Variants in EIF4G3 observed in about 807,000 individuals in gnomAD.
The protein encoded by EIF4G3 is eukaryotic translation initiation factor 4 gamma 3.
In EIF4G3, 34 loss-of-function variants were observed where a neutral mutation model predicts 186.4. That is an observed-to-expected ratio of 0.18 (90% CI 0.14 to 0.24). The LOEUF is 0.24. Among genes scored for constraint, EIF4G3 ranks in the 10% least tolerant of loss-of-function variants. The probability of loss-of-function intolerance (pLI) is 1.00; values close to 1 mark genes in which losing one functional copy is unlikely to be tolerated. For synonymous variants in EIF4G3, 673 were observed against 679.5 expected, an observed-to-expected ratio of 0.99 and a Z score of 0.15; for missense variants, 1,536 against 1,948.5, an observed-to-expected ratio of 0.79 and a Z score of 3.99.
chr1:21,174,613 G>A (rs1486942847), intron 2 of EIF4G3: 1 of 152,166 alleles, frequency 6.6e-6, no homozygotes, highest in East Asian at 1.9e-4. Context: ...AAAGTAGTAA[G>A]CAAAGACAGG....
intron 2 of EIF4G3, among the ~76,000 whole-genome samples, chr1:21,144,393 ATAAAC>A (rs1243383244): frequency 2.0e-5 from 3 of 151,706 alleles, no homozygotes; most frequent in Non-Finnish European, 4.4e-5. Context: ...AGCTAGGACT[ATAAAC>A]TAACACTACA....
At chr1:20,906,667 A>AT (rs763679866) in intron 14 of EIF4G3, among the ~76,000 whole-genome samples, 1 of 152,178 alleles carries the variant, frequency 6.6e-6, no homozygotes, top group Non-Finnish European at 1.5e-5. Context: ...TGGAAAAAAA[A>AT]CAGCTACTGA....
intron 12 of EIF4G3, among the ~76,000 whole-genome samples, chr1:20,965,680 A>G (rs17417486): frequency 0.058 from 4,237 of 73,626 alleles, 89 homozygotes; most frequent in Non-Finnish European, 0.094. Flanking sequence ...ACCCATGAAA[A>G]TTAGATCAAA....
chr1:21,071,591 T>C (rs1301750604), intron 3 of EIF4G3, among the ~76,000 whole-genome samples: 1 of 152,142 alleles, frequency 6.6e-6, no homozygotes, highest in East Asian at 1.9e-4. Flanking sequence ...CCCAGCACTT[T>C]GGGAAGCCAA....
At chr1:20,877,085 T>G (rs2081098755) in intron 20 of EIF4G3, among the ~76,000 whole-genome samples, 1 of 152,256 alleles carries the variant, frequency 6.6e-6, no homozygotes, top group Non-Finnish European at 1.5e-5. Flanking sequence ...TTGTACTTAT[T>G]GCCAGATCAT....
intron 7 of EIF4G3, among the ~76,000 whole-genome samples, chr1:20,995,603 C>T (rs991793827): frequency 8.5e-5 from 13 of 152,078 alleles, no homozygotes; most frequent in African/African-American, 3.1e-4. Context: ...AACTCGTGAC[C>T]TCAAGTGATC....
At chr1:21,116,037 C>T (rs2096815459) in intron 2 of EIF4G3, among the ~76,000 whole-genome samples, 2 of 151,972 alleles carry the variant, frequency 1.3e-5, no homozygotes, top group African/African-American at 4.8e-5. Context: ...TTAAAGGATA[C>T]CCAGGGCCTT....
At chr1:21,089,046 C>T in intron 3 of EIF4G3, 92 bp downstream of exon 3, 1 of 652,810 alleles carries the variant, frequency 1.5e-6, no homozygotes. Context: ...AAAAATTTGT[C>T]ATGTGTCAAT....
At chr1:21,052,494 T>C (rs540195729) in intron 3 of EIF4G3, among the ~76,000 whole-genome samples, 4 of 152,328 alleles carry the variant, frequency 2.6e-5, no homozygotes, top group African/African-American at 9.6e-5. Flanking sequence ...ACAAATGATC[T>C]ATATTGAAAT....
At chr1:21,013,708 G>A (rs1010213286) in intron 4 of EIF4G3, among the ~76,000 whole-genome samples, 6 of 152,120 alleles carry the variant, frequency 3.9e-5, no homozygotes, top group Non-Finnish European at 5.9e-5. Flanking sequence ...AGGAATCTGG[G>A]GAAAAGTGTT....
At chr1:20,991,426 G>A (rs1348508795) in intron 7 of EIF4G3, among the ~76,000 whole-genome samples, 1 of 152,086 alleles carries the variant, frequency 6.6e-6, no homozygotes, top group Non-Finnish European at 1.5e-5. Flanking sequence ...AAGTTAGTAG[G>A]GTGTGGTAGC....
intron 3 of EIF4G3, among the ~76,000 whole-genome samples, chr1:21,085,900 G>T (rs1490197266): frequency 6.6e-6 from 1 of 152,062 alleles, no homozygotes; most frequent in African/African-American, 2.4e-5. Flanking sequence ...CACCATGTTG[G>T]CCAGGATGGT....
chr1:20,882,486 T>A (rs1405054937), intron 19 of EIF4G3, among the ~76,000 whole-genome samples: 1 of 151,740 alleles, frequency 6.6e-6, no homozygotes, highest in Non-Finnish European at 1.5e-5. Context: ...CCGGGCATGG[T>A]GGGGCATGCC....
intron 20 of EIF4G3, 132 bp from the exon 21 acceptor site, chr1:20,865,394 A>C: frequency 1.1e-6 from 1 of 883,806 alleles, no homozygotes; most frequent in Non-Finnish European, 1.7e-6. Context: ...CAAACAATAT[A>C]GCTTCAGGCA....
At position 20,948,970 on chromosome 1, in the gene EIF4G3, C is replaced by CAA. The variant is rs34585901; in HGVS notation, c.823+1031_823+1032dup. ...GTTGCAGTGAGTCAAGACTCTGTCT[C>CAA]AAAAAAAAAAAAAAAAAAAAAGAAT... is the stretch of plus-strand genomic sequence containing the variant. On this transcript the variant is annotated intron_variant, in intron 13 of 36. Coordinates refer to ENST00000602326, the MANE Select transcript of EIF4G3 (RefSeq NM_001391906.1). Among the ~76,000 whole-genome samples, 202 of 50,778 alleles carry CAA rather than the reference C, an allele frequency of 4.0e-3. 4 individuals carry two copies. The highest frequency in any genetic ancestry group is 9.8e-3 in the Middle Eastern group (1 of 102). 33.3% of individuals were successfully genotyped at this position (50,778 alleles called of 152,430 possible).
chr1:20,881,061 G>A (rs2082176287), intron 19 of EIF4G3, among the ~76,000 whole-genome samples: 2 of 152,108 alleles, frequency 1.3e-5, no homozygotes, highest in African/African-American at 4.8e-5. Context: ...TTGGAGAATT[G>A]AATTCACACA....
At chr1:20,906,344 C>T (rs2092084399) in intron 14 of EIF4G3, among the ~76,000 whole-genome samples, 1 of 152,222 alleles carries the variant, frequency 6.6e-6, no homozygotes, top group African/African-American at 2.4e-5. Context: ...AATGCATTTC[C>T]TCCAAAATTC....
At chr1:21,005,797 TA>T (rs968022000) in intron 4 of EIF4G3, among the ~76,000 whole-genome samples, 1 of 151,980 alleles carries the variant, frequency 6.6e-6, no homozygotes. Context: ...AAGTGATTAC[TA>T]AAAAAAACAA....
intron 14 of EIF4G3, among the ~76,000 whole-genome samples, chr1:20,929,948 G>T (rs915753836): frequency 2.6e-5 from 4 of 152,146 alleles, no homozygotes; most frequent in African/African-American, 9.7e-5. Context: ...TTTGTTTCCA[G>T]ATCATGGCAA....
Sources: gnomAD v4.1 joint callset for allele counts (sites outside exome capture counted in the v4.1 genomes callset) on GRCh38, gnomAD v4.1.1 for gene constraint, MANE v1.5 for transcripts, NCBI Gene and HGNC (gene_info 2026-07-23, HGNC 2026-07-21) for gene names.